The following CERKL variants were observed in gnomAD, a reference collection of about 807,000 sequenced individuals.
CERKL encodes CERK like autophagy regulator.
In CERKL, 61 loss-of-function variants were observed where a neutral mutation model predicts 63.4. That is an observed-to-expected ratio of 0.96 (90% CI 0.78 to 1.19). The LOEUF is 1.19. Among genes scored for constraint, CERKL ranks in the 50% most tolerant of loss-of-function variants. The pLI, the probability that CERKL is intolerant of heterozygous loss-of-function variation, is 0.00. For missense variants in CERKL, 675 were observed against 655.5 expected (o/e 1.03, Z -0.33); for synonymous variants, 250 against 230.5 (o/e 1.08, Z -0.77).
chr2:181,566,704 C>A (rs1395161517), intron 3 of CERKL, among the ~76,000 whole-genome samples: 1 of 152,124 alleles, frequency 6.6e-6, no homozygotes, highest in African/African-American at 2.4e-5. Flanking sequence ...AGAGCTCAGA[C>A]CCTCCGAGGA....
intron 2 of CERKL, among the ~76,000 whole-genome samples, chr2:181,592,213 C>T (rs1685018343): frequency 6.6e-6 from 1 of 152,128 alleles, no homozygotes; most frequent in Admixed American, 6.6e-5. Flanking sequence ...TCTCTCTTGA[C>T]TCAGCTGATT....
chr2:181,627,054 C>A (rs1160212644), intron 1 of CERKL, among the ~76,000 whole-genome samples: 1 of 152,158 alleles, frequency 6.6e-6, no homozygotes, highest in African/African-American at 2.4e-5. Context: ...CTTGTAGAGG[C>A]AAGAAACATA....
At chr2:181,614,548 T>C (rs1480546177) in intron 1 of CERKL, among the ~76,000 whole-genome samples, 1 of 152,230 alleles carries the variant, frequency 6.6e-6, no homozygotes, top group Non-Finnish European at 1.5e-5. Context: ...ATTTTACTTA[T>C]AAATTTTTGA....
intron 2 of CERKL, among the ~76,000 whole-genome samples, chr2:181,577,779 C>T (rs978940990): frequency 1.3e-4 from 19 of 151,932 alleles, no homozygotes; most frequent in African/African-American, 2.9e-4. Flanking sequence ...TTATGGTTGG[C>T]GAGTAAGGCA....
rs1174454591 is a variant in CERKL at position 181,641,302 on chromosome 2, CATATATATAT to C, written c.238+15457_238+15466del. Among the ~76,000 whole-genome samples the C allele has an allele frequency of 1.1e-3, 107 of 97,116 alleles. 1 individual carries two copies. The highest frequency in any genetic ancestry group is 3.8e-3 in the African/African-American group (97 of 25,764). The allele number at this position is 97,116 out of a possible 152,430, so 63.7% of individuals were successfully genotyped here. ...GTGTATATATGTATATATGTGTATG[CATATATATAT>C]ATATATATATATATATATATATATA... On this transcript the variant is annotated intron_variant, in intron 1 of 12. Coordinates refer to ENST00000410087, the MANE Select transcript of CERKL (RefSeq NM_201548.5).
In CERKL at chr2:181,547,813, T is replaced by G; in HGVS notation, c.1159+9A>C. The stretch of plus-strand genomic sequence containing the variant: ...GGCACAGTTCTCAAGGAGATACTTT[T>G]CGACTCACCAGATTTGGGAGATCCC... On this transcript the variant is annotated intron_variant, in intron 9 of 12. Transcript: ENST00000410087. 1 of 1,614,044 alleles carries G rather than the reference T, an allele frequency of 6.2e-7. No individual in the cohort carries two copies. Among genetic ancestry groups the G allele is most frequent in the South Asian group, 1.1e-5 (1 of 91,082 alleles).
intron 4 of CERKL, among the ~76,000 whole-genome samples, chr2:181,564,179 C>T (rs1192443225): frequency 6.6e-6 from 1 of 152,054 alleles, no homozygotes; most frequent in African/African-American, 2.4e-5. Context: ...GGAGCTCAGG[C>T]GGAAATGATC....
At chr2:181,588,631 G>A (rs899774805) in intron 2 of CERKL, among the ~76,000 whole-genome samples, 1 of 152,118 alleles carries the variant, frequency 6.6e-6, no homozygotes, top group Non-Finnish European at 1.5e-5. Context: ...TGGATCATAT[G>A]GTAGTTCTAC....
chr2:181,620,062 TCC>T, intron 1 of CERKL, among the ~76,000 whole-genome samples: 1 of 152,208 alleles, frequency 6.6e-6, no homozygotes, highest in East Asian at 1.9e-4. Flanking sequence ...TAACTGAACC[TCC>T]ATGGGCAACT....
chr2:181,537,743 A>G lies in CERKL; in HGVS notation c.*441T>C. 2.3e-6 allele frequency: 1 copy of G among 442,588 alleles called. No homozygotes were observed. The highest frequency in any genetic ancestry group is 4.5e-6 in the Non-Finnish European group (1 of 221,070). The allele number at this position is 442,588 out of a possible 1,614,324, so 27.4% of individuals were successfully genotyped here. On this transcript the variant is annotated 3_prime_UTR_variant, in exon 13 of 13. Coordinates refer to ENST00000410087, the MANE Select transcript of CERKL (RefSeq NM_201548.5). ...GTGTGTCCAATAAACACATTGTAAA[A>G]AAAAGAATTTGAATTGATATCTAAA...
At chr2:181,602,230 C>A (rs1200718458) in intron 2 of CERKL, among the ~76,000 whole-genome samples, 3 of 152,162 alleles carry the variant, frequency 2.0e-5, no homozygotes, top group Non-Finnish European at 4.4e-5. Context: ...TCATAAGCCC[C>A]ATGGGAGAAG....
intron 5 of CERKL, among the ~76,000 whole-genome samples, chr2:181,552,117 G>A (rs184154329): frequency 4.6e-5 from 7 of 152,228 alleles, no homozygotes; most frequent in East Asian, 1.9e-4. Flanking sequence ...TCATAAAAGC[G>A]AAGAGTAAAA....
chr2:181,628,067 G>C lies in CERKL; in HGVS notation c.239-23988C>G, dbSNP rs552468175. On this transcript the variant is annotated intron_variant, in intron 1 of 12. Transcript: ENST00000410087. Reference sequence around the variant, plus strand: ...AAAACATAAATGTCTTGTCCTGAAGGTTTCATTTGTGCTCAGAACATTTTT... The same window carrying C: ...AAAACATAAATGTCTTGTCCTGAAGCTTTCATTTGTGCTCAGAACATTTTT... 3.4e-5 allele frequency among the ~76,000 whole-genome samples: 5 copies of C among 147,558 alleles called. No homozygotes were observed. In the East Asian group the frequency reaches 8.0e-4, roughly 24 times the overall value.
At chr2:181,559,225 T>C (rs1194324689) in intron 4 of CERKL, among the ~76,000 whole-genome samples, 1 of 152,166 alleles carries the variant, frequency 6.6e-6, no homozygotes, top group Non-Finnish European at 1.5e-5. Context: ...GACCTGAATT[T>C]CATCTCCTTG....
intron 4 of CERKL, among the ~76,000 whole-genome samples, chr2:181,565,105 C>T (rs16867448): frequency 0.24 from 37,100 of 151,936 alleles, 4,906 homozygotes; most frequent in African/African-American, 0.35. Context: ...TTCTGAAAAA[C>T]AGCCCTGCCA....
rs1404906722 is a variant in CERKL, at chr2:181,537,756, ATTGAT to A, written c.*423_*427del. The A allele has an allele frequency of 2.2e-6, 1 of 446,942 alleles. No homozygotes were observed. The highest frequency in any genetic ancestry group is 1.6e-5 in the South Asian group (1 of 62,678). The allele number at this position is 446,942 out of a possible 1,614,324, so 27.7% of individuals were successfully genotyped here. Reference sequence around the variant, plus strand: ...ACACATTGTAAAAAAAAGAATTTGAATTGATATCTAAAAACAGAATTTGAATTGAT... The same window carrying A: ...ACACATTGTAAAAAAAAGAATTTGAAATCTAAAAACAGAATTTGAATTGAT... On this transcript the variant is annotated 3_prime_UTR_variant, in exon 13 of 13. Coordinates refer to ENST00000410087, the MANE Select transcript of CERKL (RefSeq NM_201548.5).
chr2:181,558,905 T>C lies in CERKL; in HGVS notation c.678-197A>G, dbSNP rs920237959. Reference sequence around the variant, plus strand: ...CACAGGTAAGTTTACTTCACAAATATAATAACTAGATAATTCCCCATAGAC... The same window carrying C: ...CACAGGTAAGTTTACTTCACAAATACAATAACTAGATAATTCCCCATAGAC... On this transcript the variant is annotated intron_variant, in intron 4 of 12. Transcript: ENST00000410087. The surrounding 1 kb of genome is among the most constrained non-coding windows in gnomAD (Gnocchi z 4.2). Among the ~76,000 whole-genome samples, 2 of 152,162 alleles carry C rather than the reference T, an allele frequency of 1.3e-5. No individual in the cohort carries two copies. The highest frequency in any genetic ancestry group is 2.9e-5 in the Non-Finnish European group (2 of 68,020).
rs750553300 is a variant in CERKL at position 181,544,771 on chromosome 2, T to G, written c.1294A>C (p.Ile432Leu). Reference sequence around the variant, plus strand: ...GGCCGAGAAGTGTTTCGGGCAATTATAAGAGCCATACTTCCATTATTTAAT... The same window carrying G: ...GGCCGAGAAGTGTTTCGGGCAATTAGAAGAGCCATACTTCCATTATTTAAT... ...TRLNNGSMAL[I>L]IARNTSRPEF... is the part of the protein sequence containing the mutation. Residue 432 changes from isoleucine to leucine, a missense_variant, in exon 11 of 13, where the codon ATA (isoleucine) becomes CTA (leucine). Transcript: ENST00000410087. The G allele has an allele frequency of 1.2e-6, 2 of 1,603,764 alleles. No homozygotes were observed. Among genetic ancestry groups the G allele is most frequent in the East Asian group, 4.5e-5 (2 of 44,648 alleles).
intron 1 of CERKL, among the ~76,000 whole-genome samples, chr2:181,633,856 G>A (rs1008495723): frequency 2.6e-5 from 4 of 151,988 alleles, no homozygotes; most frequent in Non-Finnish European, 4.4e-5. Context: ...CTTCACACAC[G>A]CATCAAAGAA....
Sources: allele counts gnomAD v4.1 joint callset (sites outside exome capture counted in the v4.1 genomes callset), GRCh38; gene constraint gnomAD v4.1.1; non-coding constraint Gnocchi (gnomAD v3.1); transcripts MANE v1.5; gene names NCBI Gene and HGNC (gene_info 2026-07-23, HGNC 2026-07-21).